Variants in ANKS1B observed in about 807,000 individuals in gnomAD.
ANKS1B encodes the protein ankyrin repeat and sterile alpha motif domain containing 1B, also known as ankyrin repeat and sterile alpha motif domain-containing protein 1B.
A neutral mutation model predicts 148.3 loss-of-function variants in ANKS1B; 36 were observed. The observed-to-expected ratio is 0.24, with a 90% CI of 0.19 to 0.32. The LOEUF (loss-of-function observed/expected upper bound fraction) is 0.32. Among genes scored for constraint, ANKS1B ranks in the 10% least tolerant of loss-of-function variants. The pLI, the probability that ANKS1B is intolerant of heterozygous loss-of-function variation, is 1.00. For synonymous variants in ANKS1B, 542 were observed against 560.8 expected (o/e 0.97, Z 0.47); for missense variants, 1,157 against 1,542.6 (o/e 0.75, Z 4.19).
At chr12:99,409,263 T>C (rs1376079091) in intron 11 of ANKS1B, among the ~76,000 whole-genome samples, 1 of 152,146 alleles carries the variant, frequency 6.6e-6, no homozygotes, top group African/African-American at 2.4e-5. Flanking sequence ...AGACAAACAT[T>C]GCATGTTCTC....
Position 98,744,431 on chromosome 12 carries a change from A to T in ANKS1B, c.*1308T>A, listed in dbSNP as rs769654481. ...TCAATATCGCTATAATGAACTTCAA[A>T]ATGATTCACAATATGATTGTTAGAA... is the stretch of plus-strand genomic sequence containing the variant. On this transcript the variant is annotated 3_prime_UTR_variant, in exon 27 of 27. Transcript: ENST00000683438. 8.7e-6 allele frequency: 7 copies of T among 801,004 alleles called. No individual in the cohort carries two copies. The highest frequency in any genetic ancestry group is 1.1e-5 in the Non-Finnish European group (7 of 661,654). The allele number at this position is 801,004 out of a possible 1,614,324, so 49.6% of individuals were successfully genotyped here.
chr12:98,797,281 T>C (rs534735252), intron 22 of ANKS1B, among the ~76,000 whole-genome samples: 2 of 152,314 alleles, frequency 1.3e-5, no homozygotes, highest in East Asian at 1.9e-4. Context: ...CAGGAGAATG[T>C]AGTGGTTAAA....
intron 15 of ANKS1B, chr12:99,097,163 G>T (rs2056451276): frequency 1.3e-5 from 2 of 152,106 alleles, no homozygotes; most frequent in African/African-American, 4.8e-5. Context: ...AAAACATTTA[G>T]TCTAAAGATC....
chr12:98,802,707 C>A (rs768329671), intron 20 of ANKS1B, among the ~76,000 whole-genome samples: 1 of 136,426 alleles, frequency 7.3e-6, no homozygotes, highest in Non-Finnish European at 1.5e-5. Flanking sequence ...TAGCATCACG[C>A]TATTTCCTTG....
At chr12:99,699,190 G>A (rs768506005) in intron 8 of ANKS1B, among the ~76,000 whole-genome samples, 8 of 152,122 alleles carry the variant, frequency 5.3e-5, no homozygotes, top group Non-Finnish European at 1.0e-4. Context: ...ATACGTGTGT[G>A]TGCATGTGTG....
intron 15 of ANKS1B, among the ~76,000 whole-genome samples, chr12:99,092,405 C>T (rs1057327511): frequency 1.4e-5 from 2 of 141,024 alleles, no homozygotes; most frequent in Non-Finnish European, 3.0e-5. Context: ...GTGCCAGAAG[C>T]GGAGATGAAA....
intron 17 of ANKS1B, among the ~76,000 whole-genome samples, chr12:99,025,104 CTT>C (rs1178167169): frequency 6.6e-6 from 1 of 152,118 alleles, no homozygotes; most frequent in Non-Finnish European, 1.5e-5. Flanking sequence ...TAATAATAAA[CTT>C]TGTTTTCTTG....
chr12:99,487,701 A>C (rs893912881), intron 10 of ANKS1B, among the ~76,000 whole-genome samples: 2 of 151,750 alleles, frequency 1.3e-5, no homozygotes, highest in African/African-American at 2.4e-5. Context: ...TCAGATTGTG[A>C]CTTATTTCTC....
At position 98,848,991 on chromosome 12, in the gene ANKS1B, G is replaced by A. The variant is rs567401648; in HGVS notation, c.2779-16855C>T. Among the ~76,000 whole-genome samples the A allele has an allele frequency of 1.6e-3, 249 of 151,814 alleles. 1 individual carries two copies. Among genetic ancestry groups the A allele is most frequent in the Middle Eastern group, 3.4e-3 (1 of 294 alleles). ...TGACCTCAAGTGATCTGCTCACCTC[G>A]GCCTCCCCAAATGCTGGGATTACAG... On this transcript the variant is annotated intron_variant, in intron 17 of 26. Transcript: ENST00000683438.
intron 12 of ANKS1B, among the ~76,000 whole-genome samples, chr12:99,323,519 C>T (rs957652568): frequency 2.0e-5 from 3 of 152,196 alleles, no homozygotes; most frequent in East Asian, 1.9e-4. Flanking sequence ...GCTTTTCATG[C>T]ATGAAGAATA....
intron 8 of ANKS1B, among the ~76,000 whole-genome samples, chr12:99,767,243 A>G (rs562932735): frequency 4.7e-4 from 72 of 152,266 alleles, no homozygotes; most frequent in African/African-American, 1.7e-3. Flanking sequence ...TAGTTGCTGA[A>G]CAAAATTGCA....
intron 14 of ANKS1B, among the ~76,000 whole-genome samples, chr12:99,215,381 T>A (rs1450895268): frequency 6.6e-6 from 1 of 152,146 alleles, no homozygotes; most frequent in Non-Finnish European, 1.5e-5. Flanking sequence ...ACTGGGGCAC[T>A]GACAAGTGGA....
chr12:99,406,071 G>A (rs1051722810), intron 11 of ANKS1B, among the ~76,000 whole-genome samples: 1 of 145,332 alleles, frequency 6.9e-6, no homozygotes, highest in Admixed American at 6.8e-5. Context: ...TACAATAGTA[G>A]CTGAAGACTT....
At chr12:99,931,660 A>G (rs972281297) in intron 1 of ANKS1B, among the ~76,000 whole-genome samples, 2 of 152,202 alleles carry the variant, frequency 1.3e-5, no homozygotes, top group Non-Finnish European at 2.9e-5. Context: ...TTATGGGTAC[A>G]TAGTGTATGT....
intron 1 of ANKS1B, among the ~76,000 whole-genome samples, chr12:99,863,157 T>A (rs1469279581): frequency 6.6e-6 from 1 of 152,152 alleles, no homozygotes; most frequent in Non-Finnish European, 1.5e-5. Flanking sequence ...TTTGCTGGCT[T>A]CTTATGTATG....
intron 17 of ANKS1B, among the ~76,000 whole-genome samples, chr12:99,033,800 C>A (rs1366898403): frequency 1.3e-5 from 2 of 152,230 alleles, no homozygotes; most frequent in African/African-American, 4.8e-5. Flanking sequence ...TCAGATTACA[C>A]CCTTTACAAG....
intron 12 of ANKS1B, chr12:99,343,751 G>A (rs1452774037): frequency 6.6e-6 from 1 of 151,920 alleles, no homozygotes; most frequent in East Asian, 1.9e-4. Context: ...GTACCTACCA[G>A]CAATTCTTTC....
chr12:99,160,463 C>T (rs575678981), intron 14 of ANKS1B, among the ~76,000 whole-genome samples: 8 of 151,482 alleles, frequency 5.3e-5, no homozygotes, highest in East Asian at 1.9e-4. Context: ...CTCAGCCTCC[C>T]GAGTAGCTGG....
chr12:99,378,674 GAA>G (rs2093503489), intron 12 of ANKS1B, among the ~76,000 whole-genome samples: 1 of 134,674 alleles, frequency 7.4e-6, no homozygotes, highest in East Asian at 2.3e-4. Context: ...AAAAAAAAAA[GAA>G]AAAGAAAAGA....
Sources: allele counts gnomAD v4.1 joint callset (sites outside exome capture counted in the v4.1 genomes callset), GRCh38; gene constraint gnomAD v4.1.1; transcripts MANE v1.5; gene names NCBI Gene and HGNC (gene_info 2026-07-23, HGNC 2026-07-21).